Variants in KATNAL1 observed in about 807,000 individuals in gnomAD.
KATNAL1 encodes katanin catalytic subunit A1 like 1.
A neutral mutation model predicts 55.2 loss-of-function variants in KATNAL1; 32 were observed. The observed-to-expected ratio is 0.58, with a 90% CI of 0.44 to 0.78. The LOEUF (loss-of-function observed/expected upper bound fraction) is 0.78. Ranked by LOEUF, KATNAL1 falls within the 30% of genes least tolerant of loss-of-function variation. The pLI is 0.00. For missense variants in KATNAL1, 466 were observed against 600.9 expected, an observed-to-expected ratio of 0.78 and a Z score of 2.35; for synonymous variants, 193 against 193.6, an observed-to-expected ratio of 1.00 and a Z score of 0.02.
chr13:30,285,062 TCTGA>T (rs1881684954), intron 1 of KATNAL1, among the ~76,000 whole-genome samples: 1 of 152,238 alleles, frequency 6.6e-6, no homozygotes, highest in African/African-American at 2.4e-5. Context: ...ACTCTTCTAC[TCTGA>T]CTCTCAATCT....
intron 3 of KATNAL1, among the ~76,000 whole-genome samples, chr13:30,260,338 A>G (rs1484866732): frequency 2.6e-5 from 4 of 152,256 alleles, no homozygotes; most frequent in Non-Finnish European, 5.9e-5. Flanking sequence ...AAAGGAATGC[A>G]GTTCCTCACC....
At chr13:30,233,764 T>C (rs1040131738) in intron 6 of KATNAL1, among the ~76,000 whole-genome samples, 2 of 152,184 alleles carry the variant, frequency 1.3e-5, no homozygotes, top group African/African-American at 2.4e-5. Context: ...TATTCAGCCA[T>C]AAAAAGAATA....
intron 4 of KATNAL1, among the ~76,000 whole-genome samples, chr13:30,241,465 A>G (rs1320182601): frequency 6.6e-6 from 1 of 152,224 alleles, no homozygotes; most frequent in East Asian, 1.9e-4. Context: ...TATTAAGACC[A>G]TTAAAGCAAT....
chr13:30,277,977 C>A (rs995196619), intron 3 of KATNAL1, among the ~76,000 whole-genome samples: 2 of 77,974 alleles, frequency 2.6e-5, no homozygotes, highest in Admixed American at 4.1e-4. Context: ...AGCGAGACTC[C>A]GTCTCAAAAA....
intron 9 of KATNAL1, among the ~76,000 whole-genome samples, chr13:30,218,505 TTC>T (rs962857194): frequency 8.5e-5 from 13 of 152,078 alleles, no homozygotes; most frequent in Non-Finnish European, 1.8e-4. Context: ...GCAGTAACAG[TTC>T]TCTCTCATCC....
At chr13:30,279,265 G>C (rs1008905492) in intron 3 of KATNAL1, among the ~76,000 whole-genome samples, 31 of 152,266 alleles carry the variant, frequency 2.0e-4, no homozygotes, top group Middle Eastern at 3.4e-3. Context: ...CCCTGCGTTA[G>C]CAATGAAAGT....
At chr13:30,286,923 T>C (rs1881825465) in intron 1 of KATNAL1, among the ~76,000 whole-genome samples, 1 of 152,246 alleles carries the variant, frequency 6.6e-6, no homozygotes, top group African/African-American at 2.4e-5. Flanking sequence ...GTTTAATGAC[T>C]GCCCGATTGG....
intron 3 of KATNAL1, among the ~76,000 whole-genome samples, chr13:30,274,902 C>CGTGT (rs1205771382): frequency 2.1e-5 from 2 of 96,324 alleles, no homozygotes; most frequent in Admixed American, 2.2e-4. Context: ...CGCGCGCGCG[C>CGTGT]GCGCGCACAC....
At chr13:30,233,257 T>C (rs771715081) in intron 6 of KATNAL1, among the ~76,000 whole-genome samples, 2 of 151,998 alleles carry the variant, frequency 1.3e-5, no homozygotes, top group African/African-American at 2.4e-5. Flanking sequence ...AGCAACTCAA[T>C]AGCAAAAAGA....
intron 4 of KATNAL1, among the ~76,000 whole-genome samples, chr13:30,247,711 G>A (rs975803147): frequency 6.6e-6 from 1 of 152,190 alleles, no homozygotes; most frequent in African/African-American, 2.4e-5. Flanking sequence ...GCCAGACTAT[G>A]CAGAGCCTTG....
intron 3 of KATNAL1, among the ~76,000 whole-genome samples, chr13:30,255,938 A>C (rs1456856920): frequency 2.6e-5 from 4 of 152,208 alleles, no homozygotes. Flanking sequence ...CATAATGGAA[A>C]GGCAATAATT....
At chr13:30,226,753 G>A (rs983794632) in intron 9 of KATNAL1, among the ~76,000 whole-genome samples, 5 of 152,264 alleles carry the variant, frequency 3.3e-5, no homozygotes, top group African/African-American at 9.6e-5. Flanking sequence ...TTCATTCATG[G>A]ATATTTCAGC....
intron 3 of KATNAL1, among the ~76,000 whole-genome samples, chr13:30,269,161 C>T (rs1443215082): frequency 2.6e-5 from 4 of 152,222 alleles, no homozygotes; most frequent in Admixed American, 2.0e-4. Flanking sequence ...GCTGCCATCT[C>T]GGCCCACTGC....
chr13:30,226,502 T>C (rs1419359564), intron 9 of KATNAL1, among the ~76,000 whole-genome samples: 1 of 152,218 alleles, frequency 6.6e-6, no homozygotes, highest in African/African-American at 2.4e-5. Flanking sequence ...GCAGTCACGA[T>C]TCCATTTATA....
rs149785746 is a variant in KATNAL1 at position 30,242,724 on chromosome 13, T to C, written c.493-1638A>G. On this transcript the variant is annotated intron_variant, in intron 4 of 10. Transcript: ENST00000380615. ...CTACACTGAAGAAGAAGTGTGTGTA[T>C]AGGCCAGTTAAATGACCTGCCCGAG... Among the ~76,000 whole-genome samples the C allele has an allele frequency of 1.1e-3, 171 of 152,172 alleles. 1 individual carries two copies. Among genetic ancestry groups the C allele is most frequent in the African/African-American group, 4.0e-3 (167 of 41,508 alleles).
chr13:30,251,843 C>G lies in KATNAL1; in HGVS notation c.492+3604G>C, dbSNP rs1016004929. On this transcript the variant is annotated intron_variant, in intron 4 of 10. Coordinates refer to ENST00000380615, the MANE Select transcript of KATNAL1 (RefSeq NM_032116.5). ...ATGTGTCCAATAAACAGAGTACTAA[C>G]TAGCCTTATGGATGACCCTGTAGAC... Among the ~76,000 whole-genome samples the G allele has an allele frequency of 1.3e-5, 2 of 152,172 alleles. 1 individual carries two copies. Among genetic ancestry groups the G allele is most frequent in the South Asian group, 4.1e-4 (2 of 4,832 alleles).
Position 30,255,604 on chromosome 13 carries a change from T to C in KATNAL1, c.335A>G (p.Gln112Arg). Residue 112 changes from glutamine to arginine, a missense_variant, in exon 4 of 11, where the codon CAG becomes CGG. Physicochemically the swap from Gln to Arg is conservative, Grantham distance 43 (BLOSUM62 1). Around this residue, in one of 3 missense-constraint regions of KATNAL1, gnomAD observed 248 missense variants for 275.5 expected, o/e 0.90. Coordinates refer to ENST00000380615, the MANE Select transcript of KATNAL1 (RefSeq NM_032116.5). ...TACTTCTCGATTGGGACGCCTGATC[T>C]GAGGTGGAGCTCTGACAAAAAAAAA... ...PVPAEHRAPP[Q>R]IRRPNREVRP... is the part of the protein sequence containing the mutation. The C allele has an allele frequency of 6.8e-7, 1 of 1,475,594 alleles. No individual in the cohort carries two copies. The allele number at this position is 1,475,594 out of a possible 1,614,324, so 91.4% of individuals were successfully genotyped here.
intron 9 of KATNAL1, among the ~76,000 whole-genome samples, chr13:30,224,649 AGAG>A (rs1215380340): frequency 6.6e-6 from 1 of 152,164 alleles, no homozygotes; most frequent in Non-Finnish European, 1.5e-5. Flanking sequence ...TTTTTTTAAC[AGAG>A]AAGAAATCAT....
intron 8 of KATNAL1, among the ~76,000 whole-genome samples, chr13:30,228,358 T>G (rs1009442429): frequency 6.6e-6 from 1 of 152,224 alleles, no homozygotes; most frequent in African/African-American, 2.4e-5. Context: ...CTGGTTCTGT[T>G]GTTCAGGCTG....
Sources: allele counts gnomAD v4.1 joint callset (sites outside exome capture counted in the v4.1 genomes callset), GRCh38; gene constraint gnomAD v4.1.1; regional missense constraint gnomAD v4.1.1; transcripts MANE v1.5; gene names NCBI Gene and HGNC (gene_info 2026-07-23, HGNC 2026-07-21).